Variants in RNF4 observed in about 807,000 individuals in gnomAD.
RNF4 encodes E3 ubiquitin-protein ligase RNF4.
In RNF4, 7 loss-of-function variants were observed where a neutral mutation model predicts 24.3. The ratio of observed to expected loss-of-function variants is 0.29; its 90% confidence interval spans 0.16 to 0.54. RNF4 has a LOEUF of 0.54. Among genes scored for constraint, RNF4 ranks in the 20% least tolerant of loss-of-function variants. The pLI, the probability that RNF4 is intolerant of heterozygous loss-of-function variation, is 0.95. For synonymous variants in RNF4, 83 were observed against 84.3 expected (o/e 0.98, Z 0.09); for missense variants, 209 against 248.5 (o/e 0.84, Z 1.07).
chr4:2,505,480 C>T (rs1403037787), intron 4 of RNF4: 4 of 151,724 alleles, frequency 2.6e-5, no homozygotes, highest in Admixed American at 6.6e-5. Context: ...TGCCCGCCAC[C>T]ACACCCGGCT....
At position 2,514,294 on chromosome 4, in the gene RNF4, A is replaced by C. The variant is rs1398326114; in HGVS notation, c.*475A>C. ...AAGAGTGGCCCCTTGAGGCCCTGGA[A>C]AGACCAATCACTGGACTTCTTCCCT... On this transcript the variant is annotated 3_prime_UTR_variant, in exon 8 of 8. Coordinates refer to ENST00000314289, the MANE Select transcript of RNF4 (RefSeq NM_002938.5). 1 of 172,820 alleles carries C rather than the reference A, an allele frequency of 5.8e-6. No individual in the cohort carries two copies. Among genetic ancestry groups the C allele is most frequent in the East Asian group, 1.5e-4 (1 of 6,812 alleles). 10.7% of individuals were successfully genotyped at this position (172,820 alleles called of 1,614,324 possible).
At chr4:2,497,386 A>C in intron 3 of RNF4, 1 of 282,350 alleles carries the variant, frequency 3.5e-6, no homozygotes, top group Non-Finnish European at 6.7e-6. Flanking sequence ...TTTCTATCTG[A>C]AACTGCATCC....
intron 1 of RNF4, among the ~76,000 whole-genome samples, chr4:2,484,843 C>G (rs1186073610): frequency 6.6e-6 from 1 of 152,174 alleles, no homozygotes; most frequent in African/African-American, 2.4e-5. Context: ...GAGTCTCCTC[C>G]TTGGTCTACA....
intron 4 of RNF4, among the ~76,000 whole-genome samples, chr4:2,502,863 A>G (rs1048421545): frequency 1.3e-5 from 2 of 150,426 alleles, no homozygotes; most frequent in African/African-American, 2.4e-5. Flanking sequence ...AAAAAAGAAA[A>G]GAAAAGAAAC....
At chr4:2,494,373 C>CTTTTTTT (rs753327529) in intron 2 of RNF4, among the ~76,000 whole-genome samples, 1 of 98,232 alleles carries the variant, frequency 1.0e-5, no homozygotes, top group African/African-American at 3.6e-5. Context: ...CAACTTAGAA[C>CTTTTTTT]TTTTTTTTTT....
intron 4 of RNF4, among the ~76,000 whole-genome samples, chr4:2,510,191 T>G (rs1736232294): frequency 6.6e-6 from 1 of 152,156 alleles, no homozygotes; most frequent in Non-Finnish European, 1.5e-5. Context: ...GCATGGCCGT[T>G]TGTGTATGTC....
chr4:2,486,937 T>C (rs1299810913), intron 1 of RNF4, among the ~76,000 whole-genome samples: 1 of 152,162 alleles, frequency 6.6e-6, no homozygotes, highest in Admixed American at 6.5e-5. Context: ...TCAGAAACAT[T>C]CGTGGATATG....
At chr4:2,499,472 C>G (rs537251146) in intron 3 of RNF4, 1 of 326,480 alleles carries the variant, frequency 3.1e-6, no homozygotes, top group African/African-American at 2.3e-5. Context: ...AACGGAGTTT[C>G]TCCATGTTGG....
intron 3 of RNF4, among the ~76,000 whole-genome samples, chr4:2,499,006 G>C (rs1735827624): frequency 6.6e-6 from 1 of 152,224 alleles, no homozygotes; most frequent in Non-Finnish European, 1.5e-5. Flanking sequence ...AGACCAGCCT[G>C]GCCAACATGG....
intron 4 of RNF4, among the ~76,000 whole-genome samples, chr4:2,508,911 C>CTTTTTTTTTT (rs66571775): frequency 1.6e-5 from 1 of 62,644 alleles, no homozygotes; most frequent in Admixed American, 3.0e-4. Context: ...TGCCCCAGGC[C>CTTTTTTTTTT]TTTTTTTTTT....
rs750599857 is a variant in RNF4, at chr4:2,500,715, C to G, written c.181C>G (p.Leu61Val). 6.2e-7 allele frequency: 1 copy of G among 1,613,744 alleles called. No individual in the cohort carries two copies. The highest frequency in any genetic ancestry group is 1.3e-5 in the African/African-American group (1 of 74,906). Residue 61 changes from leucine (L) to valine (V), a missense_variant, in exon 4 of 8, where the codon CTG becomes GTG. Around this residue, in one of 3 missense-constraint regions of RNF4, gnomAD observed 182 missense variants for 197.2 expected, o/e 0.92. Coordinates refer to ENST00000314289, the MANE Select transcript of RNF4 (RefSeq NM_002938.5). The stretch of plus-strand genomic sequence containing the variant: ...ATCTTTAGAGCCTGTGGTGGTTGAT[C>G]TGACTCACAATGACTCTGTTGTGGT... ...CESLEPVVVDLTHNDSVVIVD... is the reference protein window; with the variant it reads ...CESLEPVVVDVTHNDSVVIVD...
chr4:2,498,030 C>T (rs1160318005), intron 3 of RNF4, among the ~76,000 whole-genome samples: 1 of 152,200 alleles, frequency 6.6e-6, no homozygotes, highest in Admixed American at 6.6e-5. Context: ...CTCTGAGTTT[C>T]ACTTCTACAA....
intron 4 of RNF4, among the ~76,000 whole-genome samples, chr4:2,507,065 A>G (rs1236750368): frequency 1.3e-5 from 2 of 152,180 alleles, no homozygotes; most frequent in Non-Finnish European, 2.9e-5. Flanking sequence ...TTTTTCTGGA[A>G]TCTTTTTTTG....
intron 3 of RNF4, among the ~76,000 whole-genome samples, chr4:2,498,223 A>G (rs982144050): frequency 1.3e-5 from 2 of 152,070 alleles, no homozygotes; most frequent in Non-Finnish European, 2.9e-5. Flanking sequence ...TCGTTCTGTC[A>G]GCCAGGTTGG....
intron 1 of RNF4, among the ~76,000 whole-genome samples, chr4:2,484,075 C>CCCCT (rs1553877531): frequency 1.8e-5 from 1 of 57,062 alleles, no homozygotes; most frequent in South Asian, 5.4e-4. Flanking sequence ...GATCCCCCCC[C>CCCCT]GCCTCGGCCT....
chr4:2,500,156 C>CAAAAA (rs5855735), intron 3 of RNF4, among the ~76,000 whole-genome samples: 2 of 77,200 alleles, frequency 2.6e-5, no homozygotes, highest in African/African-American at 4.7e-5. Context: ...GACTCTGTCT[C>CAAAAA]AAAAAAAAAA....
chr4:2,501,163 GA>G (rs1467242343), intron 4 of RNF4, among the ~76,000 whole-genome samples: 2 of 152,236 alleles, frequency 1.3e-5, no homozygotes, highest in African/African-American at 4.8e-5. Context: ...ATGAAATGGG[GA>G]CAGGTCACTC....
intron 3 of RNF4, among the ~76,000 whole-genome samples, chr4:2,500,225 T>C (rs1044533565): frequency 2.6e-5 from 4 of 152,068 alleles, no homozygotes; most frequent in African/African-American, 9.7e-5. Context: ...AAGCCTGACT[T>C]TTGGTCCTTG....
At chr4:2,489,417 T>A (rs138626654) in intron 1 of RNF4, among the ~76,000 whole-genome samples, 210 of 152,326 alleles carry the variant, frequency 1.4e-3, no homozygotes, top group African/African-American at 4.9e-3. Context: ...CCCTCTCACC[T>A]GTGTCTGTTT....
Sources: allele counts gnomAD v4.1 joint callset (sites outside exome capture counted in the v4.1 genomes callset), GRCh38; gene constraint gnomAD v4.1.1; regional missense constraint gnomAD v4.1.1; transcripts MANE v1.5; gene names NCBI Gene and HGNC (gene_info 2026-07-23, HGNC 2026-07-21).